The following SLC8A1 variants were observed in gnomAD, a reference collection of about 807,000 sequenced individuals.
SLC8A1 encodes solute carrier family 8 member A1, also known as sodium/calcium exchanger 1.
SLC8A1 carries 18 observed loss-of-function variants against 68.3 expected under a neutral mutation model. The observed-to-expected ratio is 0.26, with a 90% confidence interval of 0.18 to 0.39. The LOEUF (loss-of-function observed/expected upper bound fraction) is 0.39. SLC8A1 is among the 10% of genes least tolerant of loss of function. The pLI is 1.00. For synonymous variants in SLC8A1, 475 were observed against 415.5 expected, an observed-to-expected ratio of 1.14 and a Z score of -1.74; for missense variants, 985 against 1,156.7, an observed-to-expected ratio of 0.85 and a Z score of 2.15.
intron 1 of SLC8A1, among the ~76,000 whole-genome samples, chr2:40,463,839 TACACAC>T (rs761954909): frequency 0.051 from 6,254 of 123,296 alleles, 162 homozygotes; most frequent in Non-Finnish European, 0.059. Flanking sequence ...CACACACACA[TACACAC>T]ACACACACAC....
chr2:40,341,791 C>A (rs1667781623), intron 2 of SLC8A1, among the ~76,000 whole-genome samples: 1 of 152,118 alleles, frequency 6.6e-6, no homozygotes, highest in Admixed American at 6.6e-5. Flanking sequence ...GGACTTCTAA[C>A]ATTCACAGGA....
chr2:40,235,343 G>C (rs993769926), intron 2 of SLC8A1, among the ~76,000 whole-genome samples: 17 of 152,004 alleles, frequency 1.1e-4, no homozygotes, highest in East Asian at 7.8e-4. Flanking sequence ...TGTATGTGTC[G>C]AGGAATTTAT....
intron 2 of SLC8A1, among the ~76,000 whole-genome samples, chr2:40,237,315 T>G (rs1004673027): frequency 1.2e-4 from 18 of 152,076 alleles, no homozygotes; most frequent in Non-Finnish European, 2.2e-4. Flanking sequence ...TTTTTATTCT[T>G]TTTTCTCTAA....
intron 2 of SLC8A1, among the ~76,000 whole-genome samples, chr2:40,417,535 G>T (rs372675590): frequency 1.3e-5 from 2 of 152,018 alleles, no homozygotes; most frequent in Non-Finnish European, 2.9e-5. Flanking sequence ...CTGAGACAAG[G>T]TCTCGCTCTG....
At chr2:40,342,181 G>A (rs1405370510) in intron 2 of SLC8A1, among the ~76,000 whole-genome samples, 1 of 151,926 alleles carries the variant, frequency 6.6e-6, no homozygotes, top group East Asian at 1.9e-4. Flanking sequence ...TAACCCCAAG[G>A]GTTTTAGTTT....
chr2:40,325,733 A>G (rs569511644), intron 2 of SLC8A1, among the ~76,000 whole-genome samples: 1 of 142,458 alleles, frequency 7.0e-6, no homozygotes, highest in African/African-American at 2.6e-5. Context: ...GGAGATGGAG[A>G]CCATGCCGGC....
chr2:40,282,547 A>G (rs899625035), intron 2 of SLC8A1, among the ~76,000 whole-genome samples: 2 of 152,220 alleles, frequency 1.3e-5, no homozygotes, highest in African/African-American at 2.4e-5. Context: ...AATAAAAAAT[A>G]GACCTTGCTC....
intron 2 of SLC8A1, among the ~76,000 whole-genome samples, chr2:40,179,107 CAG>C (rs1353836110): frequency 6.6e-6 from 1 of 152,194 alleles, no homozygotes; most frequent in Admixed American, 6.5e-5. Flanking sequence ...TCAGGTTAGT[CAG>C]ATTCTCCAGC....
At chr2:40,200,732 A>C (rs2054204716) in intron 2 of SLC8A1, among the ~76,000 whole-genome samples, 1 of 151,772 alleles carries the variant, frequency 6.6e-6, no homozygotes, top group African/African-American at 2.4e-5. Flanking sequence ...CATAACTCTT[A>C]AACTATTGCC....
chr2:40,364,477 A>C (rs974333629), intron 2 of SLC8A1, among the ~76,000 whole-genome samples: 1 of 148,922 alleles, frequency 6.7e-6, no homozygotes, highest in Non-Finnish European at 1.5e-5. Context: ...GAAGATTTCT[A>C]TGAAAACTTT....
intron 2 of SLC8A1, among the ~76,000 whole-genome samples, chr2:40,268,491 T>G (rs1574935355): frequency 6.6e-6 from 1 of 152,160 alleles, no homozygotes; most frequent in African/African-American, 2.4e-5. Context: ...GGTGGTGCAT[T>G]TGCAGCTCAG....
intron 2 of SLC8A1, among the ~76,000 whole-genome samples, chr2:40,288,197 C>T (rs2068649889): frequency 2.0e-5 from 3 of 152,124 alleles, no homozygotes; most frequent in African/African-American, 2.4e-5. Flanking sequence ...AATAGACCCC[C>T]TCAAGAATTG....
intron 1 of SLC8A1, among the ~76,000 whole-genome samples, chr2:40,447,904 A>C (rs1365837951): frequency 6.6e-6 from 1 of 152,046 alleles, no homozygotes; most frequent in Non-Finnish European, 1.5e-5. Context: ...CCCTCCTTCT[A>C]CTGAAACTCA....
intron 7 of SLC8A1, among the ~76,000 whole-genome samples, chr2:40,137,547 C>T (rs555200430): frequency 6.6e-6 from 1 of 152,230 alleles, no homozygotes; most frequent in South Asian, 2.1e-4. Flanking sequence ...CCTATAATTA[C>T]CTCAGATAGA....
intron 2 of SLC8A1, among the ~76,000 whole-genome samples, chr2:40,268,757 T>G (rs2149125957): frequency 6.6e-6 from 1 of 152,152 alleles, no homozygotes; most frequent in South Asian, 2.1e-4. Flanking sequence ...TCTCAGTGAG[T>G]GACAGCCCAA....
At chr2:40,464,545 G>T (rs539103950) in intron 1 of SLC8A1, among the ~76,000 whole-genome samples, 1 of 152,204 alleles carries the variant, frequency 6.6e-6, no homozygotes, top group Non-Finnish European at 1.5e-5. Flanking sequence ...GGGGAGACTG[G>T]CATCTGTTTC....
At chr2:40,361,769 CCCA>C (rs1192810292) in intron 2 of SLC8A1, among the ~76,000 whole-genome samples, 43 of 151,602 alleles carry the variant, frequency 2.8e-4, no homozygotes, top group African/African-American at 9.9e-4. Context: ...ATTGCCTCTG[CCCA>C]AATTCTAATA....
intron 2 of SLC8A1, among the ~76,000 whole-genome samples, chr2:40,358,019 T>C (rs77584700): frequency 0.039 from 5,065 of 130,344 alleles, 188 homozygotes; most frequent in African/African-American, 0.099. Flanking sequence ...TGTTGCTCAG[T>C]GAATGCCAAA....
At chr2:40,491,749 TG>T (rs1466026253) in intron 1 of SLC8A1, among the ~76,000 whole-genome samples, 1 of 152,188 alleles carries the variant, frequency 6.6e-6, no homozygotes, top group Non-Finnish European at 1.5e-5. Context: ...ATGTGGTTTT[TG>T]TCTTTGGTTC....
Sources: gnomAD v4.1 joint callset for allele counts (sites outside exome capture counted in the v4.1 genomes callset) on GRCh38, gnomAD v4.1.1 for gene constraint, MANE v1.5 for transcripts, NCBI Gene and HGNC (gene_info 2026-07-23, HGNC 2026-07-21) for gene names.